TNFRSF10D: variants seen among roughly 807,000 people sequenced by gnomAD.
TNFRSF10D encodes TNF receptor superfamily member 10d, also known as tumor necrosis factor receptor superfamily member 10D.
In TNFRSF10D, 28 loss-of-function variants were observed where a neutral mutation model predicts 42.1. The ratio of observed to expected loss-of-function variants is 0.66; its 90% CI spans 0.49 to 0.91. The LOEUF (loss-of-function observed/expected upper bound fraction) is 0.91. TNFRSF10D is among the 40% of genes least tolerant of loss of function. The pLI is 0.00. For synonymous variants in TNFRSF10D, 186 were observed against 189.4 expected (o/e 0.98, Z 0.15); for missense variants, 503 against 486.1 (o/e 1.03, Z -0.33).
chr8:23,159,883 T>C (rs1357911400), intron 1 of TNFRSF10D, among the ~76,000 whole-genome samples: 1 of 151,918 alleles, frequency 6.6e-6, no homozygotes, highest in Non-Finnish European at 1.5e-5. Flanking sequence ...AAGTCGTACG[T>C]GCTTTTCTCC....
Position 23,148,488 on chromosome 8 carries a change from A to T in TNFRSF10D, c.320T>A (p.Ile107Asn), listed in dbSNP as rs762157620. The T allele has an allele frequency of 3.7e-5, 59 of 1,610,866 alleles. 2 individuals are homozygous for T. In the Admixed American group the frequency reaches 9.0e-4, roughly 25 times the overall value. ...GCAAGAAGGCAAATTGTTGGAAGCA[A>T]TGGTGTAATCCACACCCTCTGTGCA... is the stretch of plus-strand genomic sequence containing the variant. ...NPCTEGVDYTIASNNLPSCLL... is the reference protein window; with the variant it reads ...NPCTEGVDYTNASNNLPSCLL... The change falls in exon 3 of 9, where the codon ATT becomes AAT. Residue 107 changes from isoleucine to asparagine, a missense_variant. Transcript: ENST00000312584.
Position 23,146,961 on chromosome 8 carries a change from C to G in TNFRSF10D, c.482G>C (p.Gly161Ala). ...TGGGAGCCCCTGGCTGCTGTCTTAC[C>G]CTGTTCTACACGTCCGGCACATCTC... Reference protein sequence around the residue: ...SPEMCRTCRTGCPRGMVKVSN... With the variant: ...SPEMCRTCRTACPRGMVKVSN... Residue 161 changes from glycine (G) to alanine (A), a missense_variant and splice_region_variant, in exon 4 of 9, where the codon GGG (glycine) becomes GCG (alanine). Gly to Ala is a moderately conservative substitution (Grantham distance 60). Coordinates refer to ENST00000312584, the MANE Select transcript of TNFRSF10D (RefSeq NM_003840.5). 1.9e-6 allele frequency: 3 copies of G among 1,612,564 alleles called. No individual in the cohort carries two copies. The highest frequency in any genetic ancestry group is 1.1e-5 in the South Asian group (1 of 90,976).
chr8:23,157,708 A>C (rs1402976467), intron 1 of TNFRSF10D, among the ~76,000 whole-genome samples: 1 of 152,090 alleles, frequency 6.6e-6, no homozygotes, highest in Non-Finnish European at 1.5e-5. Flanking sequence ...GGCATATACA[A>C]TTTGTGATTA....
At chr8:23,149,535 C>T (rs1393300222) in intron 2 of TNFRSF10D, among the ~76,000 whole-genome samples, 11 of 151,588 alleles carry the variant, frequency 7.3e-5, no homozygotes, top group East Asian at 1.9e-4. Context: ...CACCATGCCA[C>T]GCCCAGTCTA....
At chr8:23,138,351 G>C in intron 7 of TNFRSF10D, 91 bp from the exon 8 acceptor site, 1 of 1,403,978 alleles carries the variant, frequency 7.1e-7, no homozygotes, top group Non-Finnish European at 1.0e-6. Flanking sequence ...GAGACCTGCA[G>C]CGCTTTCCCT....
chr8:23,153,893 T>C (rs1404134923), intron 2 of TNFRSF10D, among the ~76,000 whole-genome samples: 2 of 152,188 alleles, frequency 1.3e-5, no homozygotes. Flanking sequence ...GGAAATGACA[T>C]CAGTATGTTA....
intron 2 of TNFRSF10D, among the ~76,000 whole-genome samples, chr8:23,154,139 A>C (rs1452259476): frequency 1.3e-5 from 2 of 152,236 alleles, no homozygotes; most frequent in Non-Finnish European, 2.9e-5. Flanking sequence ...ACACCTCATG[A>C]TCTCACATAT....
chr8:23,140,574 A>G lies in TNFRSF10D; in HGVS notation c.955-2314T>C, dbSNP rs187854620. 3.9e-5 allele frequency among the ~76,000 whole-genome samples: 6 copies of G among 152,324 alleles called. No individual in the cohort carries two copies. The East Asian group carries it at 1.2e-3, about 29-fold the overall frequency. The stretch of plus-strand genomic sequence containing the variant: ...ATGGCTAAAATGGGCATACTGCTGA[A>G]ATCAATCTACAGATTTAATACTACT... On this transcript the variant is annotated intron_variant, in intron 7 of 8. Transcript: ENST00000312584.
At chr8:23,149,429 G>A (rs1400257187) in intron 2 of TNFRSF10D, among the ~76,000 whole-genome samples, 1 of 151,352 alleles carries the variant, frequency 6.6e-6, no homozygotes, top group East Asian at 2.0e-4. Context: ...AGTTGACACG[G>A]TGTATCATCA....
chr8:23,156,336 T>C (rs778968839), intron 1 of TNFRSF10D, among the ~76,000 whole-genome samples: 2 of 152,206 alleles, frequency 1.3e-5, no homozygotes, highest in Non-Finnish European at 2.9e-5. Context: ...AAAAGCTACT[T>C]ACCTTGGGCT....
chr8:23,138,100 A>T, intron 8 of TNFRSF10D, 88 bp downstream of exon 8: 2 of 1,609,670 alleles, frequency 1.2e-6, no homozygotes, highest in Non-Finnish European at 1.7e-6. Context: ...AAACCTCCAG[A>T]AGAGCCCTCT....
chr8:23,163,737 C>T (rs774993351), intron 1 of TNFRSF10D, 49 bp downstream of exon 1: 6 of 1,589,208 alleles, frequency 3.8e-6, no homozygotes, highest in Admixed American at 1.8e-5. Context: ...TGCCCACTCC[C>T]GGCGCCAGGT....
chr8:23,135,839 C>T lies in TNFRSF10D; in HGVS notation c.*2031G>A, dbSNP rs892519146. The T allele has an allele frequency of 8.9e-6, 4 of 447,224 alleles. No homozygotes were observed. The highest frequency in any genetic ancestry group is 2.0e-5 in the African/African-American group (1 of 49,832). The allele number at this position is 447,224 out of a possible 1,614,324, so 27.7% of individuals were successfully genotyped here. A position where few individuals can be genotyped will look rare whatever the true frequency, so the allele number is the denominator to read the frequency against. On this transcript the variant is annotated 3_prime_UTR_variant, in exon 9 of 9. Transcript: ENST00000312584. ...GAGGAAGGGACAAAGGAGCTGGGACCGGACTGGCTCTCTCTGAGCTTTGAG... is the reference window on the plus strand; with the variant it reads ...GAGGAAGGGACAAAGGAGCTGGGACTGGACTGGCTCTCTCTGAGCTTTGAG...
rs200226015 is a variant in TNFRSF10D, at chr8:23,145,642, C to T, written c.736+26G>A. 1,101 of 1,612,686 alleles carry T rather than the reference C, an allele frequency of 6.8e-4. No individual in the cohort carries two copies. In the South Asian group the frequency reaches 9.3e-3, roughly 14 times the overall value. Reference sequence around the variant, plus strand: ...AGAGGGCAGGGCAGACAGTGCCCAGCGCTCCCACCCTCAGCCAGCACCTAC... The same window carrying T: ...AGAGGGCAGGGCAGACAGTGCCCAGTGCTCCCACCCTCAGCCAGCACCTAC... On this transcript the variant is annotated intron_variant, in intron 5 of 8. Transcript: ENST00000312584.
At chr8:23,153,310 G>A (rs1483392369) in intron 2 of TNFRSF10D, among the ~76,000 whole-genome samples, 714 of 151,794 alleles carry the variant, frequency 4.7e-3, no homozygotes, top group African/African-American at 0.015. Context: ...GTTGGTGTGG[G>A]CATTGATTTC....
At position 23,160,577 on chromosome 8, in the gene TNFRSF10D, G is replaced by A. The variant is rs78518784; in HGVS notation, c.150+3209C>T. Among the ~76,000 whole-genome samples, 383 of 152,294 alleles carry A rather than the reference G, an allele frequency of 2.5e-3. 2 individuals are homozygous for A. The highest frequency in any genetic ancestry group is 0.021 in the East Asian group (111 of 5,184). On this transcript the variant is annotated intron_variant, in intron 1 of 8. Coordinates refer to ENST00000312584, the MANE Select transcript of TNFRSF10D (RefSeq NM_003840.5). ...AAACAACCTGCCCTCATGTCCCCTGGTTGTTAGGAAAATCCACTACACGAA... is the reference window on the plus strand; with the variant it reads ...AAACAACCTGCCCTCATGTCCCCTGATTGTTAGGAAAATCCACTACACGAA...
At chr8:23,149,803 A>T (rs371728570) in intron 2 of TNFRSF10D, among the ~76,000 whole-genome samples, 857 of 151,954 alleles carry the variant, frequency 5.6e-3, no homozygotes, top group African/African-American at 0.018. Context: ...CATCCCCGAG[A>T]GGCCCCACCA....
chr8:23,161,578 C>T (rs1300049754), intron 1 of TNFRSF10D, among the ~76,000 whole-genome samples: 2 of 152,222 alleles, frequency 1.3e-5, no homozygotes, highest in African/African-American at 2.4e-5. Flanking sequence ...TCAGTCTTCC[C>T]TGCCACCCTC....
rs960240899 is a variant in TNFRSF10D, at chr8:23,136,293, C to T, written c.*1577G>A. The T allele has an allele frequency of 2.1e-5, 5 of 233,862 alleles. No homozygotes were observed. Among genetic ancestry groups the T allele is most frequent in the African/African-American group, 1.2e-4 (5 of 43,326 alleles). 14.5% of individuals were successfully genotyped at this position (233,862 alleles called of 1,614,324 possible). On this transcript the variant is annotated 3_prime_UTR_variant, in exon 9 of 9. Coordinates refer to ENST00000312584, the MANE Select transcript of TNFRSF10D (RefSeq NM_003840.5). ...TCAGCCATTTTAGATCCTGTTGTCA[C>T]AGTGTTTAAGAATTGATATCTCTGA...
Sources: gnomAD v4.1 joint callset for allele counts (sites outside exome capture counted in the v4.1 genomes callset) on GRCh38, gnomAD v4.1.1 for gene constraint, MANE v1.5 for transcripts, NCBI Gene and HGNC (gene_info 2026-07-23, HGNC 2026-07-21) for gene names.